CTC1: variants seen among roughly 807,000 people sequenced by gnomAD.
CTC1 encodes the protein CST complex subunit CTC1.
CTC1 carries 91 observed loss-of-function variants against 136.3 expected under a neutral mutation model. That is an observed-to-expected ratio of 0.67 (90% CI 0.56 to 0.79). The LOEUF is 0.79. CTC1 is among the 30% of genes least tolerant of loss of function. The probability of loss-of-function intolerance (pLI) is 0.00; values close to 1 mark genes in which losing one functional copy is unlikely to be tolerated. For missense variants in CTC1, 1,432 were observed against 1,498.1 expected, an observed-to-expected ratio of 0.96 and a Z score of 0.73; for synonymous variants, 606 against 613.8, an observed-to-expected ratio of 0.99 and a Z score of 0.19.
rs1987924978 is a variant in CTC1, at chr17:8,238,374, T to C, written c.435+18A>G. On this transcript the variant is annotated intron_variant, in intron 3 of 22. Coordinates refer to ENST00000651323, the MANE Select transcript of CTC1 (RefSeq NM_025099.6). ...TCTTGTCAGGATCTGAGGCATCTGATCTCCACCTTCCACTCACCTCACAGC... is the reference window on the plus strand; with the variant it reads ...TCTTGTCAGGATCTGAGGCATCTGACCTCCACCTTCCACTCACCTCACAGC... 3 of 1,606,466 alleles carry C rather than the reference T, an allele frequency of 1.9e-6. No individual in the cohort carries two copies. Among genetic ancestry groups the C allele is most frequent in the African/African-American group, 2.7e-5 (2 of 74,884 alleles).
At position 8,247,998 on chromosome 17, in the gene CTC1, A is replaced by C. The variant is rs1476850659; in HGVS notation, c.33+6T>G. On this transcript the variant is annotated splice_donor_region_variant and intron_variant, in intron 1 of 22. Coordinates refer to ENST00000651323, the MANE Select transcript of CTC1 (RefSeq NM_025099.6). ...AAGGAACAAGAGACGTAATAGCAGC[A>C]CTCACGGAGGAAGGGACCTGGGCCC... 1 of 1,576,514 alleles carries C rather than the reference A, an allele frequency of 6.3e-7. No individual in the cohort carries two copies. Among genetic ancestry groups the C allele is most frequent in the Non-Finnish European group, 8.6e-7 (1 of 1,158,036 alleles).
intron 1 of CTC1, among the ~76,000 whole-genome samples, chr17:8,246,680 A>T (rs1988739930): frequency 6.6e-6 from 1 of 152,000 alleles, no homozygotes; most frequent in South Asian, 2.1e-4. Flanking sequence ...ACGTCAGGAG[A>T]TCGAGACCAT....
In CTC1 at chr17:8,227,012, C is replaced by CCGCG. The variant is rs1177306792; in HGVS notation, c.*1164_*1167dup. On this transcript the variant is annotated 3_prime_UTR_variant, in exon 23 of 23. Transcript: ENST00000651323. ...CCACTGGCCCGTACGGGGTTCGAAC[C>CCGCG]CGCGACCTTGGCGTTATTAGCACCA... is the stretch of plus-strand genomic sequence containing the variant. The CCGCG allele has an allele frequency of 6.6e-6, 1 of 152,602 alleles. No individual in the cohort carries two copies. Among genetic ancestry groups the CCGCG allele is most frequent in the African/African-American group, 2.4e-5 (1 of 41,428 alleles). The allele number at this position is 152,602 out of a possible 1,614,324, so 9.5% of individuals were successfully genotyped here.
At chr17:8,246,206 CAAAAAAA>C (rs57484918) in intron 1 of CTC1, among the ~76,000 whole-genome samples, 2 of 87,324 alleles carry the variant, frequency 2.3e-5, no homozygotes, top group Non-Finnish European at 4.3e-5. Flanking sequence ...GACCTTGTTT[CAAAAAAA>C]AAAAAAAAAA....
At chr17:8,233,498 A>G (rs11655447) in intron 10 of CTC1, 40,426 of 154,960 alleles carry the variant, frequency 0.26, 5,487 homozygotes, top group Admixed American at 0.34. Context: ...GGCCAGGTGC[A>G]GTGGCTCATG....
rs544999897 is a variant in CTC1, at chr17:8,246,923, C to T, written c.33+1081G>A. On this transcript the variant is annotated intron_variant, in intron 1 of 22. Coordinates refer to ENST00000651323, the MANE Select transcript of CTC1 (RefSeq NM_025099.6). ...CCGTCTCAAAACACACACACACACA[C>T]ACGCACACAAACCAATCCTTTAGAT... is the stretch of plus-strand genomic sequence containing the variant. Among the ~76,000 whole-genome samples the T allele has an allele frequency of 3.3e-5, 5 of 151,962 alleles. No homozygotes were observed. The South Asian group carries it at 1.0e-3, about 32-fold the overall frequency.
intron 1 of CTC1, chr17:8,247,511 TG>T (rs1464018736): frequency 6.5e-6 from 1 of 153,960 alleles, no homozygotes; most frequent in African/African-American, 2.4e-5. Flanking sequence ...GGTTTCACCA[TG>T]TTGGTCAGGC....
rs1428007682 is a variant in CTC1 at position 8,230,606 on chromosome 17, C to T, written c.2715G>A (p.Arg905=). The T allele has an allele frequency of 3.7e-6, 6 of 1,614,128 alleles. No homozygotes were observed. Among genetic ancestry groups the T allele is most frequent in the Non-Finnish European group, 5.1e-6 (6 of 1,180,040 alleles). The change falls in exon 16 of 23, where the codon CGG becomes CGA. Residue 905 remains arginine (R), a synonymous_variant. Coordinates refer to ENST00000651323, the MANE Select transcript of CTC1 (RefSeq NM_025099.6). ...LVSFSAEILS[R]TLCEPLVASL... is the part of the protein sequence containing the mutation. ...ACGCCACAAGGGGTTCACATAGTGT[C>T]CGTGACAAAATCTCAGCGGAGAAAG... is the stretch of plus-strand genomic sequence containing the variant.
chr17:8,231,703 G>A (rs1567602858), intron 14 of CTC1, 23 bp downstream of exon 14: 1 of 1,605,898 alleles, frequency 6.2e-7, no homozygotes. Context: ...CTGGGGAAAG[G>A]TATGATGAAG....
chr17:8,230,283 C>A lies in CTC1; in HGVS notation c.2933+11G>T. Reference sequence around the variant, plus strand: ...TAGCAAGAGGAGGCAGGTGACACTACACATCTTCACCTGGAAACCCTTTTC... The same window carrying A: ...TAGCAAGAGGAGGCAGGTGACACTAAACATCTTCACCTGGAAACCCTTTTC... On this transcript the variant is annotated intron_variant, in intron 17 of 22. Coordinates refer to ENST00000651323, the MANE Select transcript of CTC1 (RefSeq NM_025099.6). 6.2e-7 allele frequency: 1 copy of A among 1,605,484 alleles called. No individual in the cohort carries two copies. Among genetic ancestry groups the A allele is most frequent in the Non-Finnish European group, 8.5e-7 (1 of 1,176,592 alleles).
At chr17:8,242,186 C>T (rs112905570) in intron 2 of CTC1, among the ~76,000 whole-genome samples, 2,961 of 151,914 alleles carry the variant, frequency 0.019, 104 homozygotes, top group African/African-American at 0.068. Context: ...CCCACCACCA[C>T]GCCCGGCTAA....
Position 8,234,511 on chromosome 17 carries a change from G to C in CTC1, c.1762C>G (p.Arg588Gly), listed in dbSNP as rs1310610051. The change falls in exon 10 of 23, where the codon CGC becomes GGC. Residue 588 changes from arginine (R) to glycine (G), a missense_variant. Physicochemically the swap from Arg to Gly is moderately radical, Grantham distance 125 (BLOSUM62 -2). Coordinates refer to ENST00000651323, the MANE Select transcript of CTC1 (RefSeq NM_025099.6). Reference protein sequence around the residue: ...ASYLPSCQLNRRLAWSWLCLL... With the variant: ...ASYLPSCQLNGRLAWSWLCLL... Reference sequence around the variant, plus strand: ...CAGAGCCAGGACCAAGCCAGGCGGCGATTGAGTTGGCAGCTGGGCAGGTAG... The same window carrying C: ...CAGAGCCAGGACCAAGCCAGGCGGCCATTGAGTTGGCAGCTGGGCAGGTAG... 1.3e-6 allele frequency: 2 copies of C among 1,556,292 alleles called. No homozygotes were observed. The highest frequency in any genetic ancestry group is 2.7e-5 in the African/African-American group (2 of 73,410).
In CTC1 at chr17:8,232,353, G is replaced by A. The variant is rs774720707; in HGVS notation, c.2060+8C>T. The A allele has an allele frequency of 6.2e-6, 10 of 1,612,564 alleles. No homozygotes were observed. In the Admixed American group the frequency reaches 1.7e-4, roughly 27 times the overall value. On this transcript the variant is annotated splice_region_variant and intron_variant, in intron 12 of 22. Coordinates refer to ENST00000651323, the MANE Select transcript of CTC1 (RefSeq NM_025099.6). ...GACTCAAGACAACCATGACCCCAAG[G>A]AGCCAACCTGGCCTGCTGCTTCTGG...
chr17:8,231,748 C>A lies in CTC1; in HGVS notation c.2453G>T (p.Arg818Leu), dbSNP rs772328631. 6.8e-6 allele frequency: 11 copies of A among 1,614,088 alleles called. No individual in the cohort carries two copies. In the South Asian group the frequency reaches 1.1e-4, roughly 16 times the overall value. Reference protein sequence around the residue: ...FEFLHPGQVYRLIAPGPATPM... With the variant: ...FEFLHPGQVYLLIAPGPATPM... ...CACAGCGGGGCCAGGAGCTATGAGT[C>A]GGTACACCTGTCCCGGGTGCAAGAA... The change falls in exon 14 of 23, where the codon CGA becomes CTA. Residue 818 changes from arginine to leucine, a missense_variant. Arg to Leu is a moderately radical substitution (Grantham distance 102). Coordinates refer to ENST00000651323, the MANE Select transcript of CTC1 (RefSeq NM_025099.6).
chr17:8,240,816 C>T (rs1008160242), intron 2 of CTC1, among the ~76,000 whole-genome samples: 1 of 151,956 alleles, frequency 6.6e-6, no homozygotes, highest in Non-Finnish European at 1.5e-5. Context: ...GCGGAGGTTG[C>T]AGTGAGCAGA....
rs907704887 is a variant in CTC1, at chr17:8,227,192, A to G, written c.*988T>C. On this transcript the variant is annotated 3_prime_UTR_variant, in exon 23 of 23. Coordinates refer to ENST00000651323, the MANE Select transcript of CTC1 (RefSeq NM_025099.6). ...CAAACACGAACAAATCCTAACAGCC[A>G]GGAAGAAATGGCCTCCCAGTAGCTC... 6.6e-6 allele frequency: 1 copy of G among 150,588 alleles called. No individual in the cohort carries two copies. The highest frequency in any genetic ancestry group is 1.5e-5 in the Non-Finnish European group (1 of 68,064). 9.3% of individuals were successfully genotyped at this position (150,588 alleles called of 1,614,324 possible).
intron 11 of CTC1, 25 bp from the exon 12 acceptor site, chr17:8,232,500 T>G: frequency 6.2e-7 from 1 of 1,602,460 alleles, no homozygotes; most frequent in East Asian, 2.2e-5. Context: ...TTTTCTGTTT[T>G]GACAAGAAAG....
intron 1 of CTC1, 107 bp downstream of exon 1, chr17:8,247,897 G>C: frequency 2.5e-6 from 3 of 1,185,284 alleles, no homozygotes; most frequent in Non-Finnish European, 3.7e-6. Flanking sequence ...CCCATGGGCC[G>C]GACGCGGCCA....
At chr17:8,242,548 AAAAAAATATATAT>A (rs1402531878) in intron 2 of CTC1, among the ~76,000 whole-genome samples, 142 of 79,414 alleles carry the variant, frequency 1.8e-3, no homozygotes, top group Non-Finnish European at 3.0e-3. Flanking sequence ...AAAAAAAAAA[AAAAAAATATATAT>A]ATATATATAT....
Sources: allele counts gnomAD v4.1 joint callset (sites outside exome capture counted in the v4.1 genomes callset), GRCh38; gene constraint gnomAD v4.1.1; transcripts MANE v1.5; gene names NCBI Gene and HGNC (gene_info 2026-07-23, HGNC 2026-07-21).